The following GAN variants were observed in gnomAD, a reference collection of about 807,000 sequenced individuals.
GAN encodes the protein gigaxonin, also known as epididymis secretory sperm binding protein.
A neutral mutation model predicts 71.3 loss-of-function variants in GAN; 48 were observed. The observed-to-expected ratio is 0.67, with a 90% CI of 0.53 to 0.86. The LOEUF (loss-of-function observed/expected upper bound fraction) is 0.86. GAN is among the 40% of genes least tolerant of loss of function. The probability of loss-of-function intolerance (pLI) is 0.00; values close to 1 mark genes in which losing one functional copy is unlikely to be tolerated. For missense variants in GAN, 928 were observed against 770.1 expected (o/e 1.21, Z -2.43); for synonymous variants, 386 against 276.8 (o/e 1.39, Z -3.92).
intron 9 of GAN, among the ~76,000 whole-genome samples, chr16:81,366,157 A>C (rs1187538432): frequency 6.6e-6 from 1 of 152,050 alleles, no homozygotes; most frequent in Non-Finnish European, 1.5e-5. Flanking sequence ...TTATCCCTTC[A>C]TCTATGATTC....
At chr16:81,327,661 A>C (rs1909434038) in intron 1 of GAN, among the ~76,000 whole-genome samples, 1 of 152,216 alleles carries the variant, frequency 6.6e-6, no homozygotes, top group African/African-American at 2.4e-5. Flanking sequence ...GAAAATGGAA[A>C]GTGAGTAGAA....
At position 81,363,815 on chromosome 16, in the gene GAN, G is replaced by T. The variant is rs1428003475; in HGVS notation, c.1108G>T (p.Val370Leu). ...MNEARHNFGI[V>L]EIDGMLYILG... ...TCAGGCAAGACATAACTTCGGAATT[G>T]TGGAGATAGATGGGATGCTGTACAT... Residue 370 changes from valine (V) to leucine (L), a missense_variant, in exon 7 of 11, where the codon GTG becomes TTG. By Grantham distance (32) the Val-to-Leu change is conservative (BLOSUM62 1). Transcript: ENST00000648994. 6.2e-7 allele frequency: 1 copy of T among 1,613,656 alleles called. No homozygotes were observed. Among genetic ancestry groups the T allele is most frequent in the Non-Finnish European group, 8.5e-7 (1 of 1,179,654 alleles).
rs1278077554 is a variant in GAN, at chr16:81,376,511, AT to A, written c.1503-707del. Among the ~76,000 whole-genome samples, 645 of 71,980 alleles carry A rather than the reference AT, an allele frequency of 9.0e-3. 2 individuals are homozygous for A. Among genetic ancestry groups the A allele is most frequent in the Non-Finnish European group, 0.015 (483 of 33,084 alleles). The allele number at this position is 71,980 out of a possible 152,430, so 47.2% of individuals were successfully genotyped here. On this transcript the variant is annotated intron_variant, in intron 9 of 10. Coordinates refer to ENST00000648994, the MANE Select transcript of GAN (RefSeq NM_022041.4). ...TGTGTGTGTGTGTGTGTGTGTGTGT[AT>A]GTGTGTGTGTATACATATATGTGTA... is the stretch of plus-strand genomic sequence containing the variant.
chr16:81,349,460 A>T (rs1910227506), intron 1 of GAN, among the ~76,000 whole-genome samples: 1 of 152,114 alleles, frequency 6.6e-6, no homozygotes, highest in African/African-American at 2.4e-5. Context: ...CCCGGGCAAG[A>T]TGGTGAAACC....
rs146927443 is a variant in GAN, at chr16:81,364,688, C to G, written c.1237-286C>G. On this transcript the variant is annotated intron_variant, in intron 7 of 10. Transcript: ENST00000648994. ...AAGGCAACTGAACGAGACCCTGTCT[C>G]TAATAAATAAATAAATAAAAATGAG... 1.9e-3 allele frequency among the ~76,000 whole-genome samples: 289 copies of G among 152,184 alleles called. 1 individual carries two copies. The highest frequency in any genetic ancestry group is 6.6e-3 in the African/African-American group (274 of 41,510).
chr16:81,317,568 C>T (rs1414057252), intron 1 of GAN, among the ~76,000 whole-genome samples: 6 of 152,182 alleles, frequency 3.9e-5, no homozygotes, highest in East Asian at 1.9e-4. Flanking sequence ...ATCTGTAGTC[C>T]GGTTCTTTCA....
chr16:81,336,675 A>G (rs1909773351), intron 1 of GAN, among the ~76,000 whole-genome samples: 1 of 149,318 alleles, frequency 6.7e-6, no homozygotes, highest in South Asian at 2.1e-4. Flanking sequence ...AGGAGGTCTC[A>G]CTCTGTTGTC....
chr16:81,364,865 C>A (rs114761726), intron 7 of GAN, 109 bp from the exon 8 acceptor site: 4 of 1,106,248 alleles, frequency 3.6e-6, no homozygotes, highest in Non-Finnish European at 1.4e-6. Context: ...GGTTAGAAAT[C>A]AAACCCCTTC....
rs1186395944 is a variant in GAN, at chr16:81,384,316, A to G, written c.*6720A>G. The G allele has an allele frequency of 1.3e-5, 2 of 150,926 alleles. No homozygotes were observed. The highest frequency in any genetic ancestry group is 4.9e-5 in the African/African-American group (2 of 40,880). 9.3% of individuals were successfully genotyped at this position (150,926 alleles called of 1,614,324 possible). ...TTTACTACTTAAAAAAAAAAAAAAAAGAAAAGAAAAAAAAGCACTTACAAC... is the reference window on the plus strand; with the variant it reads ...TTTACTACTTAAAAAAAAAAAAAAAGGAAAAGAAAAAAAAGCACTTACAAC... On this transcript the variant is annotated 3_prime_UTR_variant, in exon 11 of 11. Transcript: ENST00000648994.
rs954136800 is a variant in GAN at position 81,377,978 on chromosome 16, TAACA to T, written c.*389_*392del. ...GCTGTATTCAAATACGTAGCTTTGG[TAACA>T]AACAAAATCCGTATATGCAAATCAA... On this transcript the variant is annotated 3_prime_UTR_variant, in exon 11 of 11. Coordinates refer to ENST00000648994, the MANE Select transcript of GAN (RefSeq NM_022041.4). 1.4e-5 allele frequency: 4 copies of T among 288,212 alleles called. No homozygotes were observed. The highest frequency in any genetic ancestry group is 8.6e-5 in the African/African-American group (4 of 46,290). The allele number at this position is 288,212 out of a possible 1,614,324, so 17.9% of individuals were successfully genotyped here. A position where few individuals can be genotyped will look rare whatever the true frequency, so the allele number is the denominator to read the frequency against.
chr16:81,333,510 C>T, intron 1 of GAN, among the ~76,000 whole-genome samples: 1 of 152,146 alleles, frequency 6.6e-6, no homozygotes, highest in East Asian at 1.9e-4. Context: ...ATAGGCTATG[C>T]ATAGCCTGGG....
At position 81,388,096 on chromosome 16, in the gene GAN, A is replaced by G. The variant is rs1371281977; in HGVS notation, c.*10500A>G. 6.6e-6 allele frequency: 1 copy of G among 152,170 alleles called. No homozygotes were observed. The highest frequency in any genetic ancestry group is 2.4e-5 in the African/African-American group (1 of 41,412). 9.4% of individuals were successfully genotyped at this position (152,170 alleles called of 1,614,324 possible). On this transcript the variant is annotated 3_prime_UTR_variant, in exon 11 of 11. Transcript: ENST00000648994. Reference sequence around the variant, plus strand: ...CGCATCTTTCTCTGCCAGCTTAGGGATTGCCGTCAAGGTGGAGGAAGGGTA... The same window carrying G: ...CGCATCTTTCTCTGCCAGCTTAGGGGTTGCCGTCAAGGTGGAGGAAGGGTA...
intron 1 of GAN, among the ~76,000 whole-genome samples, chr16:81,331,550 GAAAACCAAATTCCT>G (rs1035687166): frequency 2.6e-5 from 4 of 152,092 alleles, no homozygotes; most frequent in African/African-American, 9.7e-5. Context: ...GTGAAAAAAA[GAAAACCAAATTCCT>G]AAGGAGCGGC....
rs1910503575 is a variant in GAN, at chr16:81,356,868, A to G, written c.717A>G (p.Pro239=). Reference sequence around the variant, plus strand: ...TACGGGAACAGATGCTGAATGAACCATTAGTACGAGAAATTGTCAAAGAGT... The same window carrying G: ...TACGGGAACAGATGCTGAATGAACCGTTAGTACGAGAAATTGTCAAAGAGT... The part of the protein sequence containing the change: ...SYLREQMLNE[P]LVREIVKECS... The change falls in exon 4 of 11, where the codon CCA becomes CCG. Residue 239 remains proline, a synonymous_variant. Coordinates refer to ENST00000648994, the MANE Select transcript of GAN (RefSeq NM_022041.4). 4 of 1,613,762 alleles carry G rather than the reference A, an allele frequency of 2.5e-6. No individual in the cohort carries two copies. The highest frequency in any genetic ancestry group is 1.7e-6 in the Non-Finnish European group (2 of 1,179,654).
rs1286391384 is a variant in GAN, at chr16:81,387,826, A to C, written c.*10230A>C. 7 of 151,778 alleles carry C rather than the reference A, an allele frequency of 4.6e-5. No homozygotes were observed. The highest frequency in any genetic ancestry group is 1.0e-4 in the Non-Finnish European group (7 of 68,036). 9.4% of individuals were successfully genotyped at this position (151,778 alleles called of 1,614,324 possible). A position where few individuals can be genotyped will look rare whatever the true frequency, so the allele number is the denominator to read the frequency against. Reference sequence around the variant, plus strand: ...GGGGGACTCTGTCTCACAAAAAAATAAAAAATTAAAAAAAAAGGTCTGCTC... The same window carrying C: ...GGGGGACTCTGTCTCACAAAAAAATCAAAAATTAAAAAAAAAGGTCTGCTC... On this transcript the variant is annotated 3_prime_UTR_variant, in exon 11 of 11. Coordinates refer to ENST00000648994, the MANE Select transcript of GAN (RefSeq NM_022041.4).
At position 81,357,948 on chromosome 16, in the gene GAN, A is replaced by C. The variant is rs145497848; in HGVS notation, c.973+17A>C. The C allele has an allele frequency of 1.9e-6, 3 of 1,611,408 alleles. No individual in the cohort carries two copies. The highest frequency in any genetic ancestry group is 2.7e-5 in the African/African-American group (2 of 74,984). On this transcript the variant is annotated intron_variant, in intron 5 of 10. Transcript: ENST00000648994. ...TCTCAGCAGGTACCGTTCTGTGGCAAATTTTCCTTAAACAGCAGATCAAGT... is the reference window on the plus strand; with the variant it reads ...TCTCAGCAGGTACCGTTCTGTGGCACATTTTCCTTAAACAGCAGATCAAGT...
rs932773554 is a variant in GAN at position 81,355,681 on chromosome 16, C to T, written c.633+926C>T. On this transcript the variant is annotated intron_variant, in intron 3 of 10. Transcript: ENST00000648994. ...CCCAGCCAGGACTTCATTTTTAAGT[C>T]TGATTATTATAAATAAGACACTAGC... 5.3e-5 allele frequency among the ~76,000 whole-genome samples: 8 copies of T among 152,116 alleles called. 1 individual carries two copies. Among genetic ancestry groups the T allele is most frequent in the Non-Finnish European group, 1.2e-4 (8 of 68,016 alleles).
intron 1 of GAN, among the ~76,000 whole-genome samples, chr16:81,332,580 C>G (rs1481389989): frequency 1.3e-5 from 2 of 152,192 alleles, no homozygotes; most frequent in South Asian, 2.1e-4. Flanking sequence ...TCTGTGAAGC[C>G]TCCTGTGACC....
At position 81,387,872 on chromosome 16, in the gene GAN, A is replaced by G. The variant is rs966473715; in HGVS notation, c.*10276A>G. The G allele has an allele frequency of 3.3e-5, 5 of 152,170 alleles. No homozygotes were observed. Among genetic ancestry groups the G allele is most frequent in the African/African-American group, 1.2e-4 (5 of 41,426 alleles). The allele number at this position is 152,170 out of a possible 1,614,324, so 9.4% of individuals were successfully genotyped here. On this transcript the variant is annotated 3_prime_UTR_variant, in exon 11 of 11. Coordinates refer to ENST00000648994, the MANE Select transcript of GAN (RefSeq NM_022041.4). The stretch of plus-strand genomic sequence containing the variant: ...TGCTCAGAAATAGGGGAAACACGGG[A>G]TCAAGATCATTAGAGATTTATAGGC...
Sources: allele counts gnomAD v4.1 joint callset (sites outside exome capture counted in the v4.1 genomes callset), GRCh38; gene constraint gnomAD v4.1.1; transcripts MANE v1.5; gene names NCBI Gene and HGNC (gene_info 2026-07-23, HGNC 2026-07-21).